Variants in ZNF678 observed in about 807,000 individuals in gnomAD.
ZNF678 encodes the protein zinc finger protein 678, also known as hypothetical protein MGC42493.
Under a neutral mutation model 3.0 loss-of-function variants are expected in ZNF678, and 5 were observed. The observed-to-expected ratio is 1.69, with a 90% CI of 0.88 to 3.56. ZNF678 has a LOEUF of 3.56. ZNF678 is among the 30% of genes most tolerant of loss of function. The pLI, the probability that ZNF678 is intolerant of heterozygous loss-of-function variation, is 0.00. For synonymous variants in ZNF678, 218 were observed against 199.6 expected, an observed-to-expected ratio of 1.09 and a Z score of -0.78; for missense variants, 593 against 605.0, an observed-to-expected ratio of 0.98 and a Z score of 0.21.
At chr1:227,565,603 CTGTT>C (rs747766305) in intron 1 of ZNF678, among the ~76,000 whole-genome samples, 60 of 151,880 alleles carry the variant, frequency 4.0e-4, no homozygotes, top group Non-Finnish European at 7.9e-4. Flanking sequence ...GATTTGTTAT[CTGTT>C]TGTGAAGGCA....
At chr1:227,599,123 A>G (rs1283366174) in intron 1 of ZNF678, 1 of 1,536,032 alleles carries the variant, frequency 6.5e-7, no homozygotes, top group East Asian at 2.3e-5. Context: ...TATTGGGTTT[A>G]TATAGGCCAG....
At chr1:227,564,560 A>G (rs956391042) in intron 1 of ZNF678, among the ~76,000 whole-genome samples, 11 of 152,214 alleles carry the variant, frequency 7.2e-5, no homozygotes, top group African/African-American at 1.2e-4. Flanking sequence ...GCAATAAAAT[A>G]CTAAATTTTC....
At chr1:227,595,687 G>A (rs1657566063) in intron 1 of ZNF678, among the ~76,000 whole-genome samples, 1 of 152,098 alleles carries the variant, frequency 6.6e-6, no homozygotes, top group African/African-American at 2.4e-5. Flanking sequence ...CACTTTTGCA[G>A]TTTACACCAA....
chr1:227,570,438 C>T (rs904638119), intron 1 of ZNF678, among the ~76,000 whole-genome samples: 1 of 152,196 alleles, frequency 6.6e-6, no homozygotes, highest in Non-Finnish European at 1.5e-5. Flanking sequence ...GATAATATGA[C>T]ACTTCATTAA....
chr1:227,646,701 A>G (rs549168701), intron 2 of ZNF678, 31 bp downstream of exon 2: 8 of 1,358,054 alleles, frequency 5.9e-6, no homozygotes, highest in East Asian at 4.6e-5. Flanking sequence ...CAATTTATGT[A>G]TTTCATACTA....
At position 227,658,858 on chromosome 1, in the gene ZNF678, A is replaced by G. The variant is rs1659324803; in HGVS notation, c.*3030A>G. On this transcript the variant is annotated 3_prime_UTR_variant, in exon 4 of 4. Coordinates refer to ENST00000343776, the MANE Select transcript of ZNF678 (RefSeq NM_001367909.1). ...ATTAGATTCTACCACAAAATATAGT[A>G]AACATGAAATCAGTTAGAATAGGTA... The G allele has an allele frequency of 6.6e-6, 1 of 152,118 alleles. No homozygotes were observed. Among genetic ancestry groups the G allele is most frequent in the Non-Finnish European group, 1.5e-5 (1 of 67,986 alleles). 9.4% of individuals were successfully genotyped at this position (152,118 alleles called of 1,614,324 possible).
rs760755112 is a variant in ZNF678 at position 227,654,633 on chromosome 1, A to G, written c.383A>G (p.Glu128Gly). Residue 128 changes from glutamate to glycine, a missense_variant, in exon 4 of 4, where the codon GAA (glutamate) becomes GGA (glycine). By Grantham distance (98) the Glu-to-Gly change is moderately conservative. Transcript: ENST00000343776. The stretch of plus-strand genomic sequence containing the variant: ...ACTGGAGAGAAGCCATACAAATGTG[A>G]AGAATGTGGCAAAGTTTTCAATCGA... ...IHTGEKPYKCEECGKVFNRCS... is the reference protein window; with the variant it reads ...IHTGEKPYKCGECGKVFNRCS... 2.2e-5 allele frequency: 36 copies of G among 1,613,288 alleles called. No homozygotes were observed. The highest frequency in any genetic ancestry group is 3.1e-5 in the Non-Finnish European group (36 of 1,179,596).
chr1:227,674,559 GAAAA>G (rs147444879), intron 5 of ZNF678, among the ~76,000 whole-genome samples: 1 of 147,804 alleles, frequency 6.8e-6, no homozygotes, highest in African/African-American at 2.5e-5. Context: ...AGTTTATTTG[GAAAA>G]AAAATCATAG....
intron 1 of ZNF678, among the ~76,000 whole-genome samples, chr1:227,568,258 A>G (rs78646314): frequency 0.027 from 4,168 of 152,252 alleles, 72 homozygotes; most frequent in South Asian, 0.098. Flanking sequence ...TTCACACACA[A>G]AAAAATTTGC....
At chr1:227,631,356 C>G (rs1658543680) in intron 1 of ZNF678, among the ~76,000 whole-genome samples, 3 of 152,222 alleles carry the variant, frequency 2.0e-5, no homozygotes, top group Admixed American at 2.0e-4. Context: ...GTCTGGGCTA[C>G]TGGATTCTAG....
chr1:227,572,292 A>G (rs561916652), intron 1 of ZNF678, among the ~76,000 whole-genome samples: 56 of 152,398 alleles, frequency 3.7e-4, no homozygotes, highest in African/African-American at 1.0e-3. Context: ...ATGGTCTACA[A>G]TAAATCTATG....
At chr1:227,617,899 G>A (rs1026395620) in intron 1 of ZNF678, among the ~76,000 whole-genome samples, 3 of 152,120 alleles carry the variant, frequency 2.0e-5, no homozygotes, top group Non-Finnish European at 2.9e-5. Flanking sequence ...ACTGGTCAGC[G>A]TCTCTCTCCA....
chr1:227,629,828 T>C (rs1272074699), intron 1 of ZNF678, among the ~76,000 whole-genome samples: 1 of 152,206 alleles, frequency 6.6e-6, no homozygotes, highest in African/African-American at 2.4e-5. Flanking sequence ...CTTTTTAATA[T>C]GTCCTTGCAG....
intron 1 of ZNF678, among the ~76,000 whole-genome samples, chr1:227,581,822 A>G (rs1657135717): frequency 6.6e-6 from 1 of 152,218 alleles, no homozygotes; most frequent in Admixed American, 6.5e-5. Context: ...CAGCTTTAGT[A>G]TATACTGCCA....
At chr1:227,673,005 C>T (rs964550341) in intron 5 of ZNF678, among the ~76,000 whole-genome samples, 1 of 152,174 alleles carries the variant, frequency 6.6e-6, no homozygotes, top group Non-Finnish European at 1.5e-5. Context: ...TGGCTCAACT[C>T]TTCTTCCTGC....
chr1:227,600,174 C>A (rs914948454), intron 1 of ZNF678, among the ~76,000 whole-genome samples: 4 of 152,104 alleles, frequency 2.6e-5, no homozygotes, highest in Admixed American at 1.3e-4. Context: ...TATTACATGG[C>A]ATATAGGTAC....
chr1:227,569,945 G>T (rs1350764492), intron 1 of ZNF678, among the ~76,000 whole-genome samples: 1 of 152,090 alleles, frequency 6.6e-6, no homozygotes, highest in Non-Finnish European at 1.5e-5. Flanking sequence ...TCATCTTTTG[G>T]GTCTCAAGCC....
chr1:227,646,585 A>G lies in ZNF678; in HGVS notation c.-122A>G. 2 of 1,372,050 alleles carry G rather than the reference A, an allele frequency of 1.5e-6. No homozygotes were observed. Among genetic ancestry groups the G allele is most frequent in the Non-Finnish European group, 2.0e-6 (2 of 1,024,476 alleles). The allele number at this position is 1,372,050 out of a possible 1,614,324, so 85.0% of individuals were successfully genotyped here. On this transcript the variant is annotated 5_prime_UTR_variant, in exon 2 of 4. Coordinates refer to ENST00000343776, the MANE Select transcript of ZNF678 (RefSeq NM_001367909.1). The stretch of plus-strand genomic sequence containing the variant: ...GTGATGTGGTCATAGAATTCTCTCC[A>G]GAGGAGTGGGCATGCCTGGACCCTG...
In ZNF678 at chr1:227,661,567, T is replaced by G. The variant is rs946508759; in HGVS notation, c.*5739T>G. 1 of 152,150 alleles carries G rather than the reference T, an allele frequency of 6.6e-6. No individual in the cohort carries two copies. The highest frequency in any genetic ancestry group is 6.5e-5 in the Admixed American group (1 of 15,272). The allele number at this position is 152,150 out of a possible 1,614,324, so 9.4% of individuals were successfully genotyped here. A position where few individuals can be genotyped will look rare whatever the true frequency, so the allele number is the denominator to read the frequency against. ...GGAGCCAGGCATGGTTGACCTGCTT[T>G]CCATGTCTCAAAACATTAGTCCCTA... is the stretch of plus-strand genomic sequence containing the variant. On this transcript the variant is annotated 3_prime_UTR_variant, in exon 4 of 4. Coordinates refer to ENST00000343776, the MANE Select transcript of ZNF678 (RefSeq NM_001367909.1).
Sources: gnomAD v4.1 joint callset for allele counts (sites outside exome capture counted in the v4.1 genomes callset) on GRCh38, gnomAD v4.1.1 for gene constraint, MANE v1.5 for transcripts, NCBI Gene and HGNC (gene_info 2026-07-23, HGNC 2026-07-21) for gene names.